The following VPS13D variants were observed in gnomAD, a reference collection of about 807,000 sequenced individuals.
VPS13D encodes the protein intermembrane lipid transfer protein VPS13D.
A neutral mutation model predicts 461.9 loss-of-function variants in VPS13D; 187 were observed. The observed-to-expected ratio is 0.40, with a 90% confidence interval of 0.36 to 0.46. The LOEUF is 0.46. VPS13D is among the 20% of genes least tolerant of loss of function. The pLI, the probability that VPS13D is intolerant of heterozygous loss-of-function variation, is 0.60. For missense variants in VPS13D, 4,711 were observed against 5,364.9 expected (o/e 0.88, Z 3.81); for synonymous variants, 1,951 against 1,986.3 (o/e 0.98, Z 0.47).
At chr1:12,261,587 G>C (rs563914956) in intron 12 of VPS13D, among the ~76,000 whole-genome samples, 30 of 152,352 alleles carry the variant, frequency 2.0e-4, no homozygotes, top group Non-Finnish European at 4.1e-4. Context: ...GCCACATGTG[G>C]TTAGTGGCCA....
At chr1:12,381,418 A>C (rs1210937738) in intron 57 of VPS13D, among the ~76,000 whole-genome samples, 1 of 152,172 alleles carries the variant, frequency 6.6e-6, no homozygotes, top group African/African-American at 2.4e-5. Flanking sequence ...CCACAGCCAT[A>C]ATCCTGTAGA....
intron 43 of VPS13D, among the ~76,000 whole-genome samples, chr1:12,346,055 G>C (rs80355201): frequency 0.028 from 4,254 of 152,252 alleles, 108 homozygotes; most frequent in African/African-American, 0.06. Context: ...GCAGGTGGAG[G>C]CTGACATCCT....
chr1:12,417,370 T>A (rs1418804088), intron 65 of VPS13D, among the ~76,000 whole-genome samples: 1 of 152,236 alleles, frequency 6.6e-6, no homozygotes, highest in African/African-American at 2.4e-5. Flanking sequence ...ATTTTCTTAG[T>A]TCACTCTGTA....
At chr1:12,417,888 CA>C (rs1360823934) in intron 65 of VPS13D, among the ~76,000 whole-genome samples, 3 of 152,016 alleles carry the variant, frequency 2.0e-5, no homozygotes, top group Admixed American at 2.0e-4. Flanking sequence ...TCAAAATAAG[CA>C]ACAGTCTTTT....
intron 46 of VPS13D, among the ~76,000 whole-genome samples, chr1:12,351,712 C>T (rs1339775626): frequency 3.3e-5 from 5 of 151,974 alleles, no homozygotes; most frequent in African/African-American, 1.2e-4. Context: ...CTGCCTCAGC[C>T]TCCCGAGTAG....
At chr1:12,293,163 T>A (rs1158840696) in intron 23 of VPS13D, among the ~76,000 whole-genome samples, 3 of 152,228 alleles carry the variant, frequency 2.0e-5, no homozygotes, top group Non-Finnish European at 4.4e-5. Flanking sequence ...CTTTACCCAT[T>A]AATTCATGGA....
intron 33 of VPS13D, 152 bp downstream of exon 33, chr1:12,322,116 A>G (rs1643055155): frequency 1.0e-6 from 1 of 957,174 alleles, no homozygotes; most frequent in Non-Finnish European, 1.5e-6. Flanking sequence ...CCCAGGCTGG[A>G]GTGCAGTGGT....
intron 25 of VPS13D, among the ~76,000 whole-genome samples, chr1:12,301,271 T>C (rs369459156): frequency 6.6e-6 from 1 of 152,202 alleles, no homozygotes; most frequent in Admixed American, 6.5e-5. Flanking sequence ...TGGAGTTAGC[T>C]TAAGACCCCA....
intron 34 of VPS13D, among the ~76,000 whole-genome samples, chr1:12,323,340 T>C (rs1427708148): frequency 2.0e-5 from 3 of 151,970 alleles, no homozygotes; most frequent in Non-Finnish European, 1.5e-5. Flanking sequence ...CCTCCCAAAG[T>C]ATTGGGATTA....
intron 7 of VPS13D, 69 bp from the exon 8 acceptor site, chr1:12,256,264 A>G: frequency 6.5e-7 from 1 of 1,542,608 alleles, no homozygotes; most frequent in Non-Finnish European, 8.8e-7. Flanking sequence ...TAAAACCCCA[A>G]CATTGTAAAA....
At position 12,507,362 on chromosome 1, in the gene VPS13D, A is replaced by C. The variant is rs1345877670; in HGVS notation, c.13035+269A>C. On this transcript the variant is annotated intron_variant, in intron 69 of 69. Transcript: ENST00000620676. This position sits in a 1 kb window ranked among gnomAD's most constrained non-coding sequence, Gnocchi z 5.3. ...AGTTACCCGTAGATGTAGTGAGGGT[A>C]ACAATACTTACTCTCGTTGGTGATA... 1.5e-6 allele frequency: 1 copy of C among 683,894 alleles called. No individual in the cohort carries two copies. The highest frequency in any genetic ancestry group is 2.7e-6 in the Non-Finnish European group (1 of 367,188). 42.4% of individuals were successfully genotyped at this position (683,894 alleles called of 1,614,324 possible). A position where few individuals can be genotyped will look rare whatever the true frequency, so the allele number is the denominator to read the frequency against.
chr1:12,360,721 T>C (rs1281724683), intron 50 of VPS13D, among the ~76,000 whole-genome samples: 2 of 152,226 alleles, frequency 1.3e-5, no homozygotes, highest in Non-Finnish European at 2.9e-5. Context: ...TACAGAGTTT[T>C]AGAGAGATTT....
At chr1:12,443,677 T>G (rs1204885109) in intron 65 of VPS13D, among the ~76,000 whole-genome samples, 1 of 152,140 alleles carries the variant, frequency 6.6e-6, no homozygotes, top group East Asian at 1.9e-4. Context: ...AACATGATTT[T>G]TTTTTTTGGC....
chr1:12,247,274 A>G (rs1376430950), intron 5 of VPS13D, among the ~76,000 whole-genome samples: 2 of 152,016 alleles, frequency 1.3e-5, no homozygotes, highest in Non-Finnish European at 2.9e-5. Flanking sequence ...TTAGCTAGAC[A>G]TGGTGGCATG....
At chr1:12,316,661 C>T (rs1354564798) in intron 30 of VPS13D, among the ~76,000 whole-genome samples, 1 of 152,194 alleles carries the variant, frequency 6.6e-6, no homozygotes, top group Non-Finnish European at 1.5e-5. Flanking sequence ...AAATGAGGAG[C>T]AGAGAAACCA....
chr1:12,482,787 T>G (rs1467690966), intron 67 of VPS13D, among the ~76,000 whole-genome samples: 1 of 150,172 alleles, frequency 6.7e-6, no homozygotes, highest in Non-Finnish European at 1.5e-5. Context: ...ATACATAGTA[T>G]ACATATATAT....
Position 12,253,819 on chromosome 1 carries a change from A to G in VPS13D, c.662A>G (p.Glu221Gly), listed in dbSNP as rs1640819816. Residue 221 changes from glutamate to glycine, a missense_variant, in exon 7 of 70, where the codon GAG becomes GGG. This residue lies in a region of VPS13D where 4,411 missense variants were observed against 4,937.8 expected (regional missense o/e 0.89). Coordinates refer to ENST00000620676, the MANE Select transcript of VPS13D (RefSeq NM_015378.4). ...TTACTGGGGGATTTGCCTCAGATGG[A>G]GTTACAGGTACGATTTCGGCAGGGA... ...CTLLGDLPQM[E>G]LQEAMARSME... The G allele has an allele frequency of 6.2e-7, 1 of 1,613,710 alleles. No homozygotes were observed. The highest frequency in any genetic ancestry group is 1.3e-5 in the African/African-American group (1 of 75,018).
chr1:12,420,235 A>G (rs1438789935), intron 65 of VPS13D, among the ~76,000 whole-genome samples: 1 of 152,226 alleles, frequency 6.6e-6, no homozygotes, highest in Non-Finnish European at 1.5e-5. Flanking sequence ...TGGTTGGACT[A>G]AAGATGTGCA....
chr1:12,439,985 A>G (rs949162514), intron 65 of VPS13D, among the ~76,000 whole-genome samples: 21 of 152,184 alleles, frequency 1.4e-4, no homozygotes, highest in Admixed American at 3.9e-4. Flanking sequence ...TATTGGCTCT[A>G]TGAATTTGTA....
Sources: allele counts gnomAD v4.1 joint callset (sites outside exome capture counted in the v4.1 genomes callset), GRCh38; gene constraint gnomAD v4.1.1; regional missense constraint gnomAD v4.1.1; non-coding constraint Gnocchi (gnomAD v3.1); transcripts MANE v1.5; gene names NCBI Gene and HGNC (gene_info 2026-07-23, HGNC 2026-07-21).